Variants in MARCHF1 observed in about 807,000 individuals in gnomAD.
The protein encoded by MARCHF1 is membrane associated ring-CH-type finger 1.
Under a neutral mutation model 54.2 loss-of-function variants are expected in MARCHF1, and 40 were observed. The ratio of observed to expected loss-of-function variants is 0.74; its 90% CI spans 0.57 to 0.96. MARCHF1 has a LOEUF of 0.96. Ranked by LOEUF, MARCHF1 falls within the 40% of genes least tolerant of loss-of-function variation. The pLI, the probability that MARCHF1 is intolerant of heterozygous loss-of-function variation, is 0.00. For synonymous variants in MARCHF1, 236 were observed against 236.3 expected, an observed-to-expected ratio of 1.00 and a Z score of 0.01; for missense variants, 586 against 656.5, an observed-to-expected ratio of 0.89 and a Z score of 1.17.
At chr4:163,575,558 G>T (rs1002913375) in intron 8 of MARCHF1, among the ~76,000 whole-genome samples, 4 of 152,000 alleles carry the variant, frequency 2.6e-5, no homozygotes, top group Admixed American at 6.6e-5. Context: ...GAGTGATGCT[G>T]GCTTCATAGA....
At chr4:163,863,852 AACAAGACAC>A (rs374599348) in intron 3 of MARCHF1, among the ~76,000 whole-genome samples, 4 of 152,126 alleles carry the variant, frequency 2.6e-5, no homozygotes, top group Non-Finnish European at 5.9e-5. Flanking sequence ...AACAAGGCAA[AACAAGACAC>A]AAACCAAACA....
At chr4:164,087,455 T>G (rs565159702) in intron 2 of MARCHF1, among the ~76,000 whole-genome samples, 1 of 152,134 alleles carries the variant, frequency 6.6e-6, no homozygotes, top group South Asian at 2.1e-4. Flanking sequence ...CATGAAGACA[T>G]AGAAACACAG....
chr4:163,742,911 A>G (rs1488642838), intron 4 of MARCHF1, among the ~76,000 whole-genome samples: 1 of 151,150 alleles, frequency 6.6e-6, no homozygotes, highest in Non-Finnish European at 1.5e-5. Context: ...ATGAGACAAG[A>G]TACCATTTTA....
At chr4:164,368,041 A>G (rs1487836949) in intron 1 of MARCHF1, among the ~76,000 whole-genome samples, 2 of 107,782 alleles carry the variant, frequency 1.9e-5, no homozygotes, top group Admixed American at 1.1e-4. Flanking sequence ...CACAAAAAAA[A>G]GATTTAAAAA....
rs35268697 is a variant in MARCHF1, at chr4:164,334,525, G to GAAA, written c.-323+49342_-323+49344dup. Among the ~76,000 whole-genome samples the GAAA allele has an allele frequency of 1.1e-3, 167 of 149,228 alleles. 1 individual carries two copies. The highest frequency in any genetic ancestry group is 0.011 in the East Asian group (54 of 5,076). On this transcript the variant is annotated intron_variant, in intron 1 of 9. Transcript: ENST00000514618. ...ACCCACTGTTGAGACCTACTGCTCA[G>GAAA]AAAAAAAAAAATCCTTTCAAAAGTT... is the stretch of plus-strand genomic sequence containing the variant.
At chr4:163,615,485 A>G (rs753660997) in intron 5 of MARCHF1, among the ~76,000 whole-genome samples, 1 of 152,064 alleles carries the variant, frequency 6.6e-6, no homozygotes, top group Non-Finnish European at 1.5e-5. Flanking sequence ...TATAATGATG[A>G]CCAAAAAAAC....
At chr4:163,900,351 T>TAAAA (rs35805253) in intron 3 of MARCHF1, among the ~76,000 whole-genome samples, 4,513 of 150,584 alleles carry the variant, frequency 0.03, 96 homozygotes, top group African/African-American at 0.039. Context: ...TTTTTTTTTT[T>TAAAA]AAAAAAACTC....
chr4:164,272,608 TA>T (rs1415603373), intron 1 of MARCHF1, among the ~76,000 whole-genome samples: 2 of 151,812 alleles, frequency 1.3e-5, no homozygotes, highest in Non-Finnish European at 2.9e-5. Flanking sequence ...GTGAGAAAAC[TA>T]GAAGAAAATT....
At chr4:163,570,846 C>T (rs1029856732) in intron 8 of MARCHF1, among the ~76,000 whole-genome samples, 3 of 152,116 alleles carry the variant, frequency 2.0e-5, no homozygotes, top group African/African-American at 7.2e-5. Context: ...CAGAATGCCA[C>T]AGACCTCACC....
rs994441359 is a variant in MARCHF1, at chr4:164,100,731, T to A, written c.-248+10857A>T. Among the ~76,000 whole-genome samples the A allele has an allele frequency of 3.3e-4, 50 of 152,160 alleles. 1 individual carries two copies. The highest frequency in any genetic ancestry group is 7.4e-4 in the Non-Finnish European group (50 of 68,014). The stretch of plus-strand genomic sequence containing the variant: ...TGGAGATAGTTGATAGTCAAGATAA[T>A]TGTCTAAGGAATAAGCTGGGGGAGG... On this transcript the variant is annotated intron_variant, in intron 2 of 9. Transcript: ENST00000514618.
At chr4:164,372,177 G>A (rs1025937794) in intron 1 of MARCHF1, among the ~76,000 whole-genome samples, 1 of 152,144 alleles carries the variant, frequency 6.6e-6, no homozygotes, top group Non-Finnish European at 1.5e-5. Flanking sequence ...GTATTCAATT[G>A]CATCAAAATA....
intron 9 of MARCHF1, among the ~76,000 whole-genome samples, chr4:163,529,439 T>TAA (rs1738268823): frequency 6.6e-6 from 1 of 152,040 alleles, no homozygotes; most frequent in South Asian, 2.1e-4. Flanking sequence ...AAAATCCTTC[T>TAA]AAGAAGATGA....
intron 2 of MARCHF1, among the ~76,000 whole-genome samples, chr4:163,990,568 G>A (rs1752952285): frequency 6.6e-6 from 1 of 152,166 alleles, no homozygotes; most frequent in Admixed American, 6.5e-5. Context: ...ACATACAGGA[G>A]CTTTAATGAA....
chr4:164,041,319 C>T (rs1025341178), intron 2 of MARCHF1, among the ~76,000 whole-genome samples: 1 of 152,168 alleles, frequency 6.6e-6, no homozygotes, highest in African/African-American at 2.4e-5. Context: ...CCCCCTCTTT[C>T]AACCACCATA....
At chr4:164,139,261 G>T (rs192790341) in intron 1 of MARCHF1, among the ~76,000 whole-genome samples, 268 of 152,188 alleles carry the variant, frequency 1.8e-3, no homozygotes, top group African/African-American at 6.3e-3. Flanking sequence ...AATCTTGAAG[G>T]ACACCAGTAA....
At chr4:164,206,696 A>G (rs992996045) in intron 1 of MARCHF1, among the ~76,000 whole-genome samples, 5 of 152,168 alleles carry the variant, frequency 3.3e-5, no homozygotes, top group African/African-American at 4.8e-5. Context: ...CCTTTGTTTC[A>G]AGTAAAAAAG....
chr4:164,016,429 A>G (rs1753544991), intron 2 of MARCHF1, among the ~76,000 whole-genome samples: 1 of 152,172 alleles, frequency 6.6e-6, no homozygotes, highest in Non-Finnish European at 1.5e-5. Context: ...GCAATACAAG[A>G]TGAGATTTGG....
At chr4:163,932,990 A>C in intron 3 of MARCHF1, 3 of 896,340 alleles carry the variant, frequency 3.3e-6, no homozygotes, top group South Asian at 1.3e-5. Flanking sequence ...TAAGCAAGAA[A>C]GAGATACAAT....
intron 4 of MARCHF1, among the ~76,000 whole-genome samples, chr4:163,743,752 TGA>T (rs1414768825): frequency 6.6e-6 from 1 of 152,142 alleles, no homozygotes; most frequent in African/African-American, 2.4e-5. Context: ...CCAATTTTTT[TGA>T]GTTTTTAGTA....
Sources: allele counts gnomAD v4.1 joint callset (sites outside exome capture counted in the v4.1 genomes callset), GRCh38; gene constraint gnomAD v4.1.1; transcripts MANE v1.5; gene names NCBI Gene and HGNC (gene_info 2026-07-23, HGNC 2026-07-21).